FMN1: variants seen among roughly 807,000 people sequenced by gnomAD.
FMN1 encodes formin-1.
Under a neutral mutation model 132.4 loss-of-function variants are expected in FMN1, and 110 were observed. That is an observed-to-expected ratio of 0.83 (90% confidence interval 0.71 to 0.97). The LOEUF is 0.97. Among genes scored for constraint, FMN1 ranks in the 50% least tolerant of loss-of-function variants. The pLI, the probability that FMN1 is intolerant of heterozygous loss-of-function variation, is 0.00. For synonymous variants in FMN1, 722 were observed against 651.7 expected, an observed-to-expected ratio of 1.11 and a Z score of -1.64; for missense variants, 1,792 against 1,705.3, an observed-to-expected ratio of 1.05 and a Z score of -0.90.
At chr15:32,918,228 C>A (rs940533558) in intron 10 of FMN1, among the ~76,000 whole-genome samples, 12 of 151,958 alleles carry the variant, frequency 7.9e-5, no homozygotes, top group Admixed American at 7.2e-4. Flanking sequence ...TTTTACACTG[C>A]ATGCCAAAAC....
At chr15:33,114,042 T>G (rs1279284510) in intron 4 of FMN1, among the ~76,000 whole-genome samples, 1 of 152,254 alleles carries the variant, frequency 6.6e-6, no homozygotes, top group African/African-American at 2.4e-5. Context: ...CTCCAAGATC[T>G]TGTAAGCTGG....
At chr15:32,789,260 T>C (rs990604831) in intron 19 of FMN1, among the ~76,000 whole-genome samples, 4 of 152,082 alleles carry the variant, frequency 2.6e-5, no homozygotes, top group African/African-American at 9.7e-5. Flanking sequence ...AACCAAATCA[T>C]TAAATGACAA....
At chr15:32,849,377 C>T (rs2058949321) in intron 17 of FMN1, among the ~76,000 whole-genome samples, 1 of 151,878 alleles carries the variant, frequency 6.6e-6, no homozygotes, top group African/African-American at 2.4e-5. Context: ...AATAATATAC[C>T]TAATAATAAC....
chr15:33,118,579 G>C (rs1035070780), intron 4 of FMN1, among the ~76,000 whole-genome samples: 3 of 152,258 alleles, frequency 2.0e-5, no homozygotes, highest in Non-Finnish European at 4.4e-5. Flanking sequence ...AAACTTGTTT[G>C]ACAGGAATGA....
intron 16 of FMN1, among the ~76,000 whole-genome samples, chr15:32,868,893 G>C (rs2059453093): frequency 6.6e-6 from 1 of 152,136 alleles, no homozygotes; most frequent in Non-Finnish European, 1.5e-5. Flanking sequence ...AACATTCACA[G>C]TCTAGCAACA....
In FMN1 at chr15:32,828,205, C is replaced by T. The variant is rs147315165; in HGVS notation, c.3929-23873G>A. ...AGGAGAATCGTTTGAACTCAGGAGG[C>T]GGAGGTTGCAGTGAGCCCAGATTGC... is the stretch of plus-strand genomic sequence containing the variant. On this transcript the variant is annotated intron_variant, in intron 17 of 20. Coordinates refer to ENST00000616417, the MANE Select transcript of FMN1 (RefSeq NM_001277313.2). 6.0e-3 allele frequency among the ~76,000 whole-genome samples: 914 copies of T among 151,152 alleles called. 7 individuals carry two copies. Among genetic ancestry groups the T allele is most frequent in the African/African-American group, 0.021 (853 of 41,186 alleles).
chr15:33,002,794 T>C (rs2034193129), intron 7 of FMN1, among the ~76,000 whole-genome samples: 1 of 152,194 alleles, frequency 6.6e-6, no homozygotes, highest in African/African-American at 2.4e-5. Context: ...AACACTGTGT[T>C]TGCCAAATGA....
chr15:33,013,299 T>C (rs915996387), intron 6 of FMN1, among the ~76,000 whole-genome samples: 15 of 152,364 alleles, frequency 9.8e-5, no homozygotes, highest in African/African-American at 3.4e-4. Flanking sequence ...CTGTGGAAAG[T>C]ATAAAGCATT....
At chr15:32,859,345 G>A (rs2059211337) in intron 16 of FMN1, among the ~76,000 whole-genome samples, 1 of 152,066 alleles carries the variant, frequency 6.6e-6, no homozygotes, top group Non-Finnish European at 1.5e-5. Context: ...TTCCATTATG[G>A]CATATTTCAG....
intron 10 of FMN1, among the ~76,000 whole-genome samples, chr15:32,923,675 G>A (rs2060887597): frequency 6.6e-6 from 1 of 152,146 alleles, no homozygotes; most frequent in Admixed American, 6.5e-5. Flanking sequence ...AAAAGGTCTG[G>A]ATCGACAAAT....
At chr15:32,880,189 T>G (rs769958954) in intron 16 of FMN1, among the ~76,000 whole-genome samples, 1 of 152,160 alleles carries the variant, frequency 6.6e-6, no homozygotes. Context: ...TTGACATTAT[T>G]ATGACTTTGC....
At chr15:33,121,449 AG>A (rs1962544920) in intron 4 of FMN1, among the ~76,000 whole-genome samples, 1 of 152,170 alleles carries the variant, frequency 6.6e-6, no homozygotes, top group Non-Finnish European at 1.5e-5. Context: ...TATTACATGT[AG>A]TTCTATATGA....
intron 7 of FMN1, among the ~76,000 whole-genome samples, chr15:32,975,092 T>C (rs546172012): frequency 6.6e-6 from 1 of 152,334 alleles, no homozygotes; most frequent in African/African-American, 2.4e-5. Context: ...GAACCTTTTA[T>C]CCATTTTCGC....
At chr15:33,071,145 A>G (rs2037983011) in intron 5 of FMN1, among the ~76,000 whole-genome samples, 1 of 152,200 alleles carries the variant, frequency 6.6e-6, no homozygotes, top group Admixed American at 6.5e-5. Context: ...GAAGACAAAC[A>G]TCACCAAAAA....
chr15:32,785,218 A>ATTT (rs1230723314), intron 19 of FMN1, among the ~76,000 whole-genome samples: 2,739 of 39,134 alleles, frequency 0.07, 411 homozygotes, highest in African/African-American at 0.091. Context: ...ATATATATAT[A>ATTT]TTTTTTTTTT....
Position 33,153,916 on chromosome 15 carries a change from A to C in FMN1, c.999T>G (p.Val333=). The change falls in exon 4 of 21, where the codon GTT becomes GTG. Residue 333 remains valine (V), a synonymous_variant. Transcript: ENST00000616417. ...TTTGTACCTGGGAGGACAGGTCCTG[A>C]ACTTTGGCCACCACTTTGGAGACAG... is the stretch of plus-strand genomic sequence containing the variant. ...QKPVSKVVAK[V]QDLSSQVQRV... The C allele has an allele frequency of 2.6e-6, 4 of 1,536,704 alleles. No individual in the cohort carries two copies. Among genetic ancestry groups the C allele is most frequent in the Non-Finnish European group, 3.5e-6 (4 of 1,147,036 alleles).
At chr15:33,091,978 C>A (rs183525540) in intron 4 of FMN1, among the ~76,000 whole-genome samples, 1 of 152,310 alleles carries the variant, frequency 6.6e-6, no homozygotes, top group Admixed American at 6.5e-5. Flanking sequence ...CATGTGCATA[C>A]TACAAACCTG....
chr15:32,832,265 CT>C (rs1265649614), intron 17 of FMN1, among the ~76,000 whole-genome samples: 4 of 152,142 alleles, frequency 2.6e-5, no homozygotes, highest in Non-Finnish European at 5.9e-5. Context: ...GGATTTAATG[CT>C]TTTGTTAATT....
chr15:33,003,550 T>C (rs937642339), intron 7 of FMN1, among the ~76,000 whole-genome samples: 3 of 152,136 alleles, frequency 2.0e-5, no homozygotes, highest in East Asian at 1.9e-4. Context: ...TAAAAGAGGA[T>C]ACAAACAAAT....
Sources: allele counts gnomAD v4.1 joint callset (sites outside exome capture counted in the v4.1 genomes callset), GRCh38; gene constraint gnomAD v4.1.1; transcripts MANE v1.5; gene names NCBI Gene and HGNC (gene_info 2026-07-23, HGNC 2026-07-21).